Variants in EXOC4 observed in about 807,000 individuals in gnomAD.
The protein encoded by EXOC4 is SEC8-like 1.
A neutral mutation model predicts 107.2 loss-of-function variants in EXOC4; 71 were observed. The observed-to-expected ratio is 0.66, with a 90% confidence interval of 0.55 to 0.81. The LOEUF (loss-of-function observed/expected upper bound fraction) is 0.81, where lower values mean the gene tolerates loss of function less well. Among genes scored for constraint, EXOC4 ranks in the 30% least tolerant of loss-of-function variants. The pLI is 0.00. For synonymous variants in EXOC4, 456 were observed against 441.2 expected, an observed-to-expected ratio of 1.03 and a Z score of -0.42; for missense variants, 1,108 against 1,189.6, an observed-to-expected ratio of 0.93 and a Z score of 1.01.
chr7:133,745,710 CT>C (rs766551871), intron 10 of EXOC4, among the ~76,000 whole-genome samples: 13,846 of 126,448 alleles, frequency 0.11, 654 homozygotes, highest in Middle Eastern at 0.14. Context: ...TCCTGTTACT[CT>C]TTTTTTTTTT....
intron 9 of EXOC4, among the ~76,000 whole-genome samples, chr7:133,511,775 G>A (rs1799773509): frequency 6.7e-6 from 1 of 149,920 alleles, no homozygotes; most frequent in Admixed American, 6.7e-5. Flanking sequence ...ACCACTTCAC[G>A]CTTAACCACA....
chr7:134,037,703 GTCATCTTTCCAGTTCC>G (rs1218635487), intron 17 of EXOC4, among the ~76,000 whole-genome samples: 1 of 152,164 alleles, frequency 6.6e-6, no homozygotes, highest in Admixed American at 6.5e-5. Flanking sequence ...GAGTAGAAGT[GTCATCTTTCCAGTTCC>G]TTCTGAATCC....
rs577304307 is a variant in EXOC4, at chr7:134,047,310, C to T, written c.2688-16981C>T. Among the ~76,000 whole-genome samples the T allele has an allele frequency of 2.6e-5, 4 of 151,952 alleles. No individual in the cohort carries two copies. In the East Asian group the frequency reaches 7.8e-4, roughly 29 times the overall value. ...GAATGCAAATGCTCTCTATATTTTT[C>T]CCCTCAAAGGCCTTTTTTCTTTATA... On this transcript the variant is annotated intron_variant, in intron 17 of 17. Transcript: ENST00000253861.
At chr7:134,077,152 G>A in the EXOC4 span, among the ~76,000 whole-genome samples, 1 of 152,096 alleles carries the variant, frequency 6.6e-6, no homozygotes, top group African/African-American at 2.4e-5. Context: ...TAGAGCCAGT[G>A]GTGTAACTTT....
chr7:133,867,688 A>T (rs1798670009), intron 11 of EXOC4, among the ~76,000 whole-genome samples: 1 of 152,184 alleles, frequency 6.6e-6, no homozygotes, highest in African/African-American at 2.4e-5. Context: ...CTTAAATGTG[A>T]TGCATAGTAT....
chr7:133,734,547 G>A, intron 10 of EXOC4, among the ~76,000 whole-genome samples: 1 of 150,200 alleles, frequency 6.7e-6, no homozygotes, highest in East Asian at 2.0e-4. Flanking sequence ...CCCGGTTTCT[G>A]TATGCCTTCC....
intron 9 of EXOC4, among the ~76,000 whole-genome samples, chr7:133,503,991 G>GTA (rs112703166): frequency 0.074 from 11,179 of 150,778 alleles, 1,310 homozygotes; most frequent in African/African-American, 0.25. Flanking sequence ...GTATATGTGT[G>GTA]TATATATATA....
chr7:134,057,991 A>G (rs949940706), intron 17 of EXOC4, among the ~76,000 whole-genome samples: 1 of 152,220 alleles, frequency 6.6e-6, no homozygotes, highest in African/African-American at 2.4e-5. Flanking sequence ...TTGTTCTGCT[A>G]TAACCACAAT....
the EXOC4 span, among the ~76,000 whole-genome samples, chr7:134,077,591 A>C: frequency 6.6e-6 from 1 of 152,210 alleles, no homozygotes; most frequent in Non-Finnish European, 1.5e-5. Flanking sequence ...ACCTCCAAAA[A>C]ATTGGGCCCA....
chr7:133,667,610 A>G (rs1585065870), intron 10 of EXOC4, among the ~76,000 whole-genome samples: 1 of 152,320 alleles, frequency 6.6e-6, no homozygotes, highest in African/African-American at 2.4e-5. Context: ...GAAGTATTCC[A>G]TGGATCTTCT....
chr7:133,479,985 A>G, intron 8 of EXOC4, 65 bp from the exon 9 acceptor site: 1 of 1,268,838 alleles, frequency 7.9e-7, no homozygotes, highest in Non-Finnish European at 1.2e-6. Context: ...AATGTGGAAT[A>G]CAGAGCTGGT....
At chr7:133,607,612 T>A (rs780089596) in intron 9 of EXOC4, among the ~76,000 whole-genome samples, 28 of 152,204 alleles carry the variant, frequency 1.8e-4, no homozygotes, top group Non-Finnish European at 2.9e-4. Flanking sequence ...TACAGAGTTG[T>A]ACATAAAAGA....
At chr7:133,772,354 A>G (rs181307411) in intron 10 of EXOC4, among the ~76,000 whole-genome samples, 8 of 152,202 alleles carry the variant, frequency 5.3e-5, no homozygotes, top group African/African-American at 1.9e-4. Context: ...ATTAGAACAC[A>G]AAGAATCTTT....
chr7:133,640,397 A>G (rs1802825621), intron 10 of EXOC4, among the ~76,000 whole-genome samples: 1 of 152,236 alleles, frequency 6.6e-6, no homozygotes, highest in African/African-American at 2.4e-5. Context: ...GTGTCAGTAT[A>G]CTACTGAAAT....
At chr7:133,474,431 T>C (rs1421897428) in intron 7 of EXOC4, among the ~76,000 whole-genome samples, 2 of 151,976 alleles carry the variant, frequency 1.3e-5, no homozygotes, top group Admixed American at 1.3e-4. Context: ...CCTCAGCCTC[T>C]CAAGTAGCTG....
At chr7:133,499,482 A>G (rs1307154214) in intron 9 of EXOC4, among the ~76,000 whole-genome samples, 1 of 152,196 alleles carries the variant, frequency 6.6e-6, no homozygotes, top group East Asian at 1.9e-4. Context: ...TTAAGAAGGA[A>G]GCTAAGAGAA....
At chr7:133,733,588 A>G (rs1202775539) in intron 10 of EXOC4, 1 of 152,240 alleles carries the variant, frequency 6.6e-6, no homozygotes, top group African/African-American at 2.4e-5. Flanking sequence ...GTTCTTGGCA[A>G]CTGCCGTGCT....
At chr7:133,657,531 C>T (rs761000539) in intron 10 of EXOC4, among the ~76,000 whole-genome samples, 1 of 152,054 alleles carries the variant, frequency 6.6e-6, no homozygotes, top group Non-Finnish European at 1.5e-5. Context: ...AAGTGGTGTG[C>T]GTGCTTTTTG....
intron 5 of EXOC4, among the ~76,000 whole-genome samples, chr7:133,346,903 A>G (rs1795794927): frequency 6.6e-6 from 1 of 152,202 alleles, no homozygotes; most frequent in South Asian, 2.1e-4. Context: ...ATGTACAAAT[A>G]TAAATGAAAT....
Sources: allele counts gnomAD v4.1 joint callset (sites outside exome capture counted in the v4.1 genomes callset), GRCh38; gene constraint gnomAD v4.1.1; transcripts MANE v1.5; gene names NCBI Gene and HGNC (gene_info 2026-07-23, HGNC 2026-07-21).